The following PLEKHG1 variants were observed in gnomAD, a reference collection of about 807,000 sequenced individuals.
The protein encoded by PLEKHG1 is pleckstrin homology and RhoGEF domain containing G1, also known as pleckstrin homology domain-containing family G member 1.
In PLEKHG1, 44 loss-of-function variants were observed where a neutral mutation model predicts 100.8. The ratio of observed to expected loss-of-function variants is 0.44; its 90% CI spans 0.34 to 0.56. The LOEUF (loss-of-function observed/expected upper bound fraction) is 0.56, where lower values mean the gene tolerates loss of function less well. Among genes scored for constraint, PLEKHG1 ranks in the 20% least tolerant of loss-of-function variants. The pLI is 0.01. For missense variants in PLEKHG1, 1,545 were observed against 1,720.9 expected, an observed-to-expected ratio of 0.90 and a Z score of 1.81; for synonymous variants, 640 against 662.5, an observed-to-expected ratio of 0.97 and a Z score of 0.52.
Position 150,683,769 on chromosome 6 carries a change from C to A in PLEKHG1, c.-99+32983C>A. ...TAGGACGTCTGAAGGAAAGATGGAG[C>A]CATTCTTGGTGGGGCGGAAGAGGCA... On this transcript the variant is annotated intron_variant, in intron 3 of 3. Transcript: ENST00000367326. This position sits in a 1 kb window ranked among gnomAD's most constrained non-coding sequence, Gnocchi z 4.0. The A allele has an allele frequency of 7.8e-7, 1 of 1,287,186 alleles. No individual in the cohort carries two copies. The highest frequency in any genetic ancestry group is 1.5e-5 in the African/African-American group (1 of 65,784). 79.7% of individuals were successfully genotyped at this position (1,287,186 alleles called of 1,614,324 possible). A position where few individuals can be genotyped will look rare whatever the true frequency, so the allele number is the denominator to read the frequency against.
chr6:150,612,050 C>CT (rs200471720), intron 1 of PLEKHG1, among the ~76,000 whole-genome samples: 5 of 78,060 alleles, frequency 6.4e-5, no homozygotes, highest in African/African-American at 2.1e-4. Context: ...GTTGTTCCCC[C>CT]CCCCCCCCCC....
Position 150,765,493 on chromosome 6 carries a change from C to CA in PLEKHG1, c.412-3142dup, listed in dbSNP as rs141648102. On this transcript the variant is annotated intron_variant, in intron 2 of 15. Transcript: ENST00000358517. The stretch of plus-strand genomic sequence containing the variant: ...TGGGTGACAGAGTGAGACTCTGTCT[C>CA]AAAGAAAAAAAAAAATTTAATGTGA... 1.1e-3 allele frequency among the ~76,000 whole-genome samples: 160 copies of CA among 140,670 alleles called. 5 individuals carry two copies. Among genetic ancestry groups the CA allele is most frequent in the African/African-American group, 3.7e-3 (131 of 35,590 alleles). 92.3% of individuals were successfully genotyped at this position (140,670 alleles called of 152,430 possible). A position where few individuals can be genotyped will look rare whatever the true frequency, so the allele number is the denominator to read the frequency against.
intron 3 of PLEKHG1, among the ~76,000 whole-genome samples, chr6:150,704,794 G>T (rs569607995): frequency 1.3e-5 from 2 of 152,366 alleles, no homozygotes; most frequent in African/African-American, 4.8e-5. Flanking sequence ...CCTGGTGGTT[G>T]TAAGTCCAAG....
intron 3 of PLEKHG1, among the ~76,000 whole-genome samples, chr6:150,665,220 C>T (rs12209968): frequency 0.33 from 50,219 of 152,060 alleles, 9,165 homozygotes; most frequent in Middle Eastern, 0.47. Flanking sequence ...AATAAATTAT[C>T]GCTCTTCTTG....
chr6:150,609,357 T>G (rs1282579433), intron 1 of PLEKHG1, among the ~76,000 whole-genome samples: 1 of 152,170 alleles, frequency 6.6e-6, no homozygotes. Context: ...TCTGGAGAAG[T>G]AACATTTCAG....
At position 150,742,564 on chromosome 6, in the gene PLEKHG1, CAAAAAAAAAAAAAAAA is replaced by C. The variant is rs58003146; in HGVS notation, c.411+8485_411+8500del. ...TAGGCAATAGAGTGAGACTCCATCT[CAAAAAAAAAAAAAAAA>C]AAAAAAAAAAAAGAGCGCAGGGAGG... On this transcript the variant is annotated intron_variant, in intron 2 of 15. Coordinates refer to ENST00000358517, the Ensembl canonical transcript of PLEKHG1. 2.3e-4 allele frequency among the ~76,000 whole-genome samples: 11 copies of C among 48,368 alleles called. No individual in the cohort carries two copies. In the East Asian group the frequency reaches 4.1e-3, roughly 18 times the overall value. 31.7% of individuals were successfully genotyped at this position (48,368 alleles called of 152,430 possible).
chr6:150,720,481 G>A (rs115251232), upstream of PLEKHG1, among the ~76,000 whole-genome samples: 2,185 of 152,094 alleles, frequency 0.014, 54 homozygotes, highest in African/African-American at 0.049. Context: ...CTTCAGATAC[G>A]CTTTTTAAAT....
Position 150,729,354 on chromosome 6 carries a change from G to A in PLEKHG1, c.-98-4230G>A, listed in dbSNP as rs143156366. Among the ~76,000 whole-genome samples, 10 of 152,308 alleles carry A rather than the reference G, an allele frequency of 6.6e-5. No individual in the cohort carries two copies. The East Asian group carries it at 1.9e-3, about 29-fold the overall frequency. Reference sequence around the variant, plus strand: ...TGGAATTACAGGCATGAGCCACTGTGCCCAGCCTGGCTGCGTTTCAAGTTC... The same window carrying A: ...TGGAATTACAGGCATGAGCCACTGTACCCAGCCTGGCTGCGTTTCAAGTTC... On this transcript the variant is annotated intron_variant, in intron 1 of 15. Transcript: ENST00000358517.
chr6:150,756,043 C>T (rs1016676377), intron 2 of PLEKHG1, among the ~76,000 whole-genome samples: 4 of 152,114 alleles, frequency 2.6e-5, no homozygotes, highest in African/African-American at 7.2e-5. Context: ...AAACCTCGTC[C>T]GTAAGAGTCC....
intron 2 of PLEKHG1, among the ~76,000 whole-genome samples, chr6:150,743,308 G>T (rs1019677021): frequency 6.6e-6 from 1 of 152,122 alleles, no homozygotes; most frequent in Admixed American, 6.5e-5. Flanking sequence ...GTCATTTGAG[G>T]TCAGGAGTTC....
intron 2 of PLEKHG1, among the ~76,000 whole-genome samples, chr6:150,766,821 G>A (rs1296371892): frequency 6.6e-6 from 1 of 152,104 alleles, no homozygotes; most frequent in Non-Finnish European, 1.5e-5. Flanking sequence ...AGCAAGCTTC[G>A]CTCTTGAAGT....
chr6:150,677,916 T>A (rs1186144831), intron 3 of PLEKHG1, among the ~76,000 whole-genome samples: 1 of 150,488 alleles, frequency 6.6e-6, no homozygotes, highest in African/African-American at 2.5e-5. Context: ...TCAGTACAAG[T>A]ATTATATTAT....
chr6:150,615,197 TG>T (rs1777016294), intron 1 of PLEKHG1, among the ~76,000 whole-genome samples: 1 of 152,222 alleles, frequency 6.6e-6, no homozygotes, highest in African/African-American at 2.4e-5. Flanking sequence ...TGCGACTTCA[TG>T]GTTTGAAGAA....
At chr6:150,768,381 C>T (rs909839337) in intron 2 of PLEKHG1, among the ~76,000 whole-genome samples, 1 of 152,124 alleles carries the variant, frequency 6.6e-6, no homozygotes, top group African/African-American at 2.4e-5. Flanking sequence ...CATTGTAGCC[C>T]CATCTGGGGA....
chr6:150,712,016 T>C (rs1193288475), intron 3 of PLEKHG1, among the ~76,000 whole-genome samples: 1 of 152,166 alleles, frequency 6.6e-6, no homozygotes, highest in African/African-American at 2.4e-5. Flanking sequence ...TGACATTGCA[T>C]CAGCCGGGGA....
At chr6:150,636,083 C>T (rs893893084) in intron 1 of PLEKHG1, among the ~76,000 whole-genome samples, 4 of 152,038 alleles carry the variant, frequency 2.6e-5, no homozygotes, top group African/African-American at 9.7e-5. Flanking sequence ...TTAATGGCTT[C>T]CTGTGCAAAT....
At chr6:150,753,669 C>T (rs778946129) in intron 2 of PLEKHG1, among the ~76,000 whole-genome samples, 1 of 152,212 alleles carries the variant, frequency 6.6e-6, no homozygotes, top group Non-Finnish European at 1.5e-5. Context: ...GAGAGTTAAT[C>T]TACTTTTGAT....
intron 2 of PLEKHG1, among the ~76,000 whole-genome samples, chr6:150,762,249 G>C (rs1473195718): frequency 1.3e-5 from 2 of 150,780 alleles, no homozygotes; most frequent in East Asian, 3.9e-4. Context: ...GAGTGCAGTG[G>C]CGCAATCTCA....
chr6:150,681,292 C>T (rs556491659), intron 3 of PLEKHG1, among the ~76,000 whole-genome samples: 1 of 152,050 alleles, frequency 6.6e-6, no homozygotes, highest in South Asian at 2.1e-4. Context: ...GAGGCTGAGG[C>T]GGGTAGATCA....
Sources: allele counts gnomAD v4.1 joint callset (sites outside exome capture counted in the v4.1 genomes callset), GRCh38; gene constraint gnomAD v4.1.1; non-coding constraint Gnocchi (gnomAD v3.1); transcripts MANE v1.5; gene names NCBI Gene and HGNC (gene_info 2026-07-23, HGNC 2026-07-21).